The following DYRK1A variants were observed in gnomAD, a reference collection of about 807,000 sequenced individuals.
DYRK1A encodes dual specificity tyrosine phosphorylation regulated kinase 1A, also known as dual specificity tyrosine-phosphorylation-regulated kinase 1A.
Under a neutral mutation model 79.7 loss-of-function variants are expected in DYRK1A, and 9 were observed. The observed-to-expected ratio is 0.11, with a 90% CI of 0.07 to 0.20. DYRK1A has a LOEUF of 0.20. DYRK1A is among the 10% of genes least tolerant of loss of function. The pLI is 1.00. For synonymous variants in DYRK1A, 349 were observed against 329.7 expected, an observed-to-expected ratio of 1.06 and a Z score of -0.63; for missense variants, 622 against 956.0, an observed-to-expected ratio of 0.65 and a Z score of 4.61.
At chr21:37,451,965 G>A (rs2051467203) in intron 2 of DYRK1A, among the ~76,000 whole-genome samples, 1 of 152,120 alleles carries the variant, frequency 6.6e-6, no homozygotes, top group African/African-American at 2.4e-5. Context: ...GAAGAGAAGA[G>A]CGAAGAGCTG....
rs1163924747 is a variant in DYRK1A at position 37,514,803 on chromosome 21, G to A, written c.*2272G>A. 2 of 152,438 alleles carry A rather than the reference G, an allele frequency of 1.3e-5. No individual in the cohort carries two copies. The highest frequency in any genetic ancestry group is 4.8e-5 in the African/African-American group (2 of 41,364). The allele number at this position is 152,438 out of a possible 1,614,324, so 9.4% of individuals were successfully genotyped here. A position where few individuals can be genotyped will look rare whatever the true frequency, so the allele number is the denominator to read the frequency against. On this transcript the variant is annotated 3_prime_UTR_variant, in exon 12 of 12. Transcript: ENST00000647188. ...GAATTCAGTAGTTACTGCTGTTTAG[G>A]AATATAAGGTTAAGATATCATATGG... is the stretch of plus-strand genomic sequence containing the variant.
intron 11 of DYRK1A, 63 bp downstream of exon 11, chr21:37,506,286 A>T: frequency 6.2e-7 from 1 of 1,613,380 alleles, no homozygotes; most frequent in Non-Finnish European, 8.5e-7. Flanking sequence ...GCAGCACTGG[A>T]TGCCAGGTGC....
chr21:37,497,198 TG>T (rs2053297758), intron 9 of DYRK1A, among the ~76,000 whole-genome samples: 1 of 152,232 alleles, frequency 6.6e-6, no homozygotes, highest in Non-Finnish European at 1.5e-5. Context: ...AGATGATGGT[TG>T]ATCGCCTTAA....
intron 1 of DYRK1A, among the ~76,000 whole-genome samples, chr21:37,384,322 G>A (rs2049717350): frequency 6.6e-6 from 1 of 152,110 alleles, no homozygotes; most frequent in Non-Finnish European, 1.5e-5. Flanking sequence ...AACAGTTTCT[G>A]GGGGAGCTGT....
intron 1 of DYRK1A, among the ~76,000 whole-genome samples, chr21:37,390,709 T>G (rs1029882057): frequency 2.6e-5 from 4 of 152,072 alleles, no homozygotes; most frequent in African/African-American, 9.7e-5. Flanking sequence ...GCTGGGATTA[T>G]AGGTGCCTGT....
chr21:37,379,976 A>C (rs565934402), intron 1 of DYRK1A, among the ~76,000 whole-genome samples: 4 of 152,274 alleles, frequency 2.6e-5, no homozygotes, highest in Middle Eastern at 3.4e-3. Context: ...GGGAATCTTT[A>C]ATAGTTCTTG....
At chr21:37,470,092 C>T (rs974317853) in intron 2 of DYRK1A, among the ~76,000 whole-genome samples, 3 of 152,020 alleles carry the variant, frequency 2.0e-5, no homozygotes, top group Non-Finnish European at 2.9e-5. Context: ...TGCAGTGAGC[C>T]GAGATTGTGC....
chr21:37,497,826 A>C (rs1195782595), intron 9 of DYRK1A, among the ~76,000 whole-genome samples: 2 of 152,162 alleles, frequency 1.3e-5, no homozygotes, highest in African/African-American at 4.8e-5. Flanking sequence ...TTAAAATTGG[A>C]AGTGGATATC....
intron 9 of DYRK1A, among the ~76,000 whole-genome samples, chr21:37,497,175 T>C (rs2053296521): frequency 6.6e-6 from 1 of 152,232 alleles, no homozygotes; most frequent in African/African-American, 2.4e-5. Flanking sequence ...AGGTGTCATT[T>C]TCAGTGAACT....
chr21:37,507,077 C>G (rs1360781801), intron 11 of DYRK1A, among the ~76,000 whole-genome samples: 2 of 152,228 alleles, frequency 1.3e-5, no homozygotes, highest in African/African-American at 4.8e-5. Flanking sequence ...TTTGCCCTCC[C>G]CTTCTCTGTT....
At chr21:37,391,580 T>A (rs1237346172) in intron 1 of DYRK1A, among the ~76,000 whole-genome samples, 1 of 152,238 alleles carries the variant, frequency 6.6e-6, no homozygotes, top group Non-Finnish European at 1.5e-5. Context: ...TTGCCTTTTA[T>A]TATTTTTTGC....
At chr21:37,382,803 C>T (rs532957734) in intron 1 of DYRK1A, among the ~76,000 whole-genome samples, 2 of 152,040 alleles carry the variant, frequency 1.3e-5, no homozygotes, top group African/African-American at 2.4e-5. Context: ...TGTTTACCTC[C>T]AGATAATAAA....
intron 9 of DYRK1A, chr21:37,505,048 C>G (rs1206437888): frequency 6.4e-6 from 3 of 465,832 alleles, no homozygotes; most frequent in African/African-American, 2.0e-5. Context: ...CCATAGTTTA[C>G]TGACCCCTGG....
intron 2 of DYRK1A, among the ~76,000 whole-genome samples, chr21:37,422,614 G>A (rs936786638): frequency 1.3e-5 from 2 of 152,100 alleles, no homozygotes; most frequent in African/African-American, 4.8e-5. Flanking sequence ...ACTGAAGTAG[G>A]CCTTGGCTGA....
chr21:37,384,311 G>A (rs570816486), intron 1 of DYRK1A, among the ~76,000 whole-genome samples: 3 of 152,278 alleles, frequency 2.0e-5, no homozygotes, highest in African/African-American at 7.2e-5. Flanking sequence ...TTTCACAAAA[G>A]AACAGTTTCT....
In DYRK1A at chr21:37,510,267, C is replaced by G. The variant is rs1193678405; in HGVS notation, c.1645-1644C>G. Reference sequence around the variant, plus strand: ...CCCATGTGATTTTCTAATCCAGTAACTTGATTAACTTCATATAAAAACCAT... The same window carrying G: ...CCCATGTGATTTTCTAATCCAGTAAGTTGATTAACTTCATATAAAAACCAT... On this transcript the variant is annotated intron_variant, in intron 11 of 11. Transcript: ENST00000647188. Among the ~76,000 whole-genome samples the G allele has an allele frequency of 2.0e-5, 3 of 152,308 alleles. No individual in the cohort carries two copies. In the East Asian group the frequency reaches 5.8e-4, roughly 29 times the overall value.
chr21:37,454,076 T>C (rs890807508), intron 2 of DYRK1A, among the ~76,000 whole-genome samples: 2 of 142,148 alleles, frequency 1.4e-5, no homozygotes, highest in Non-Finnish European at 3.0e-5. Context: ...TATTATGAGA[T>C]GTAGTCTCCT....
chr21:37,431,958 A>C (rs2050787853), intron 2 of DYRK1A, among the ~76,000 whole-genome samples: 1 of 152,214 alleles, frequency 6.6e-6, no homozygotes, highest in Admixed American at 6.5e-5. Flanking sequence ...CACTTACTGT[A>C]CTATTTTGTT....
At chr21:37,378,255 A>G (rs2049587872) in intron 1 of DYRK1A, among the ~76,000 whole-genome samples, 2 of 152,198 alleles carry the variant, frequency 1.3e-5, no homozygotes, top group South Asian at 4.1e-4. Flanking sequence ...CCTGGGGGCC[A>G]GGCATGGTTT....
Sources: allele counts gnomAD v4.1 joint callset (sites outside exome capture counted in the v4.1 genomes callset), GRCh38; gene constraint gnomAD v4.1.1; transcripts MANE v1.5; gene names NCBI Gene and HGNC (gene_info 2026-07-23, HGNC 2026-07-21).